WDR90: variants seen among roughly 807,000 people sequenced by gnomAD.
WDR90 encodes WD repeat domain 90, also known as WD repeat-containing protein 90.
Under a neutral mutation model 195.2 loss-of-function variants are expected in WDR90, and 238 were observed. The observed-to-expected ratio is 1.22, with a 90% CI of 1.10 to 1.36. The LOEUF is 1.36. Ranked by LOEUF, WDR90 falls within the 40% of genes most tolerant of loss-of-function variation. WDR90 has a pLI of 0.00. For synonymous variants in WDR90, 1,265 were observed against 1,052.4 expected (o/e 1.20, Z -3.91); for missense variants, 2,734 against 2,439.5 (o/e 1.12, Z -2.54).
In WDR90 at chr16:653,533, C is replaced by T; in HGVS notation, c.1242C>T (p.Ala414=). 1 of 1,613,346 alleles carries T rather than the reference C, an allele frequency of 6.2e-7. No individual in the cohort carries two copies. Among genetic ancestry groups the T allele is most frequent in the Non-Finnish European group, 8.5e-7 (1 of 1,179,850 alleles). Reference sequence around the variant, plus strand: ...ACCCTTCTGCCTCCTAGGTCTCCGCCCTGGCGCTGGATGGCAGCAGCTCAC... The same window carrying T: ...ACCCTTCTGCCTCCTAGGTCTCCGCTCTGGCGCTGGATGGCAGCAGCTCAC... ...FFLGHTDKVS[A]LALDGSSSLL... The change falls in exon 12 of 41, where the codon GCC becomes GCT. Residue 414 remains alanine (A), a synonymous_variant. Coordinates refer to ENST00000293879, the MANE Select transcript of WDR90 (RefSeq NM_145294.5).
chr16:657,850 C>T lies in WDR90; in HGVS notation c.2562C>T (p.Ser854=), dbSNP rs771553385. ...DGRLLAFVGP[S]RCTVTVMGSA... is the part of the protein sequence containing the mutation. The stretch of plus-strand genomic sequence containing the variant: ...GCCTGCTGGCCTTTGTGGGACCCTC[C>T]AGGTGCACAGTGACAGTCATGGGCT... The change falls in exon 21 of 41, where the codon TCC becomes TCT. Residue 854 remains serine, a synonymous_variant. Coordinates refer to ENST00000293879, the MANE Select transcript of WDR90 (RefSeq NM_145294.5). The T allele has an allele frequency of 1.0e-5, 16 of 1,589,428 alleles. No homozygotes were observed. The highest frequency in any genetic ancestry group is 1.3e-5 in the African/African-American group (1 of 74,648).
At chr16:665,560 G>T in intron 34 of WDR90, 119 bp from the exon 35 acceptor site, 6 of 1,530,736 alleles carry the variant, frequency 3.9e-6, no homozygotes, top group Non-Finnish European at 4.5e-6. Flanking sequence ...GTTGGCCGGG[G>T]CCAGAGGCAC....
chr16:651,099 G>A lies in WDR90; in HGVS notation c.664G>A (p.Val222Ile), dbSNP rs199986415. The change falls in exon 6 of 41, where the codon GTC (valine) becomes ATC (isoleucine). Residue 222 changes from valine (V) to isoleucine (I), a missense_variant. By Grantham distance (29) the Val-to-Ile change is conservative (BLOSUM62 3). Coordinates refer to ENST00000293879, the MANE Select transcript of WDR90 (RefSeq NM_145294.5). Reference protein sequence around the residue: ...GESWHDRYIHVRFPSESLKVP... With the variant: ...GESWHDRYIHIRFPSESLKVP... The stretch of plus-strand genomic sequence containing the variant: ...GAGCTGGCATGACCGCTACATCCAC[G>A]TCCGGTGAGTGGTTCTGCTTCTTTC... 7 of 1,613,502 alleles carry A rather than the reference G, an allele frequency of 4.3e-6. No individual in the cohort carries two copies. Among genetic ancestry groups the A allele is most frequent in the African/African-American group, 2.7e-5 (2 of 75,030 alleles).
chr16:657,385 T>G, intron 20 of WDR90, 164 bp downstream of exon 20: 1 of 1,170,472 alleles, frequency 8.5e-7, no homozygotes, highest in Non-Finnish European at 1.2e-6. Context: ...CTGAGGAGAC[T>G]GTGGTTTAGC....
chr16:659,521 TG>T (rs1250148684), intron 26 of WDR90, 145 bp downstream of exon 26: 2 of 1,101,726 alleles, frequency 1.8e-6, no homozygotes, highest in African/African-American at 3.2e-5. Flanking sequence ...GGGGTCGGGG[TG>T]GGGGCAGCTT....
In WDR90 at chr16:651,708, C is replaced by T. The variant is rs1354995580; in HGVS notation, c.801C>T (p.Phe267=). 1.2e-6 allele frequency: 2 copies of T among 1,613,014 alleles called. No individual in the cohort carries two copies. The highest frequency in any genetic ancestry group is 2.7e-5 in the African/African-American group (2 of 74,924). ...CPVASSKPVR[F]SVSPVVQTPS... ...TGGCCTCCAGCAAACCTGTGCGGTT[C>T]AGTGTGTCTCCAGTGGTCCAGACGC... The change falls in exon 8 of 41, where the codon TTC becomes TTT. Residue 267 remains phenylalanine, a synonymous_variant. Transcript: ENST00000293879.
rs543402285 is a variant in WDR90, at chr16:665,717, C to T, written c.4350C>T (p.Cys1450=). The part of the protein sequence containing the change: ...EVVFSPGESH[C]ATCSEDGSVR... ...TCTTCAGCCCCGGGGAGTCCCACTG[C>T]GCCACATGCAGTGAGGATGGGAGTG... is the stretch of plus-strand genomic sequence containing the variant. The change falls in exon 35 of 41, where the codon TGC becomes TGT. Residue 1450 remains cysteine (C), a synonymous_variant. Coordinates refer to ENST00000293879, the MANE Select transcript of WDR90 (RefSeq NM_145294.5). 3.6e-5 allele frequency: 58 copies of T among 1,612,570 alleles called. No individual in the cohort carries two copies. The highest frequency in any genetic ancestry group is 3.5e-4 in the African/African-American group (26 of 75,068).
In WDR90 at chr16:667,527, G is replaced by A. The variant is rs749128338; in HGVS notation, c.5185G>A (p.Ala1729Thr). ...GCACCTGTGCAGGTTTACACCGTCC[G>A]CCAGGCTGCTCTTCACGGCCGCCCG... The part of the protein sequence containing the change: ...AVHLCRFTPS[A>T]RLLFTAARNE... The change falls in exon 41 of 41, where the codon GCC becomes ACC. Residue 1729 changes from alanine (A) to threonine (T), a missense_variant. Ala to Thr is a moderately conservative substitution (Grantham distance 58). Coordinates refer to ENST00000293879, the MANE Select transcript of WDR90 (RefSeq NM_145294.5). 2.0e-5 allele frequency: 33 copies of A among 1,612,118 alleles called. No homozygotes were observed. Among genetic ancestry groups the A allele is most frequent in the African/African-American group, 6.7e-5 (5 of 74,938 alleles).
chr16:661,187 C>T lies in WDR90; in HGVS notation c.3513+15C>T, dbSNP rs775226167. On this transcript the variant is annotated intron_variant, in intron 29 of 40. Transcript: ENST00000293879. ...ACAGTGCCCAGGTGCCCGCCTGCATCGCCCTCCTCCTCTCCCAGGGCCACC... is the reference window on the plus strand; with the variant it reads ...ACAGTGCCCAGGTGCCCGCCTGCATTGCCCTCCTCCTCTCCCAGGGCCACC... 2.7e-5 allele frequency: 41 copies of T among 1,528,888 alleles called. No homozygotes were observed. Among genetic ancestry groups the T allele is most frequent in the South Asian group, 1.9e-4 (16 of 82,804 alleles). The allele number at this position is 1,528,888 out of a possible 1,614,324, so 94.7% of individuals were successfully genotyped here. A position where few individuals can be genotyped will look rare whatever the true frequency, so the allele number is the denominator to read the frequency against.
intron 34 of WDR90, chr16:663,062 C>T (rs1226965789): frequency 1.4e-6 from 1 of 719,762 alleles, no homozygotes; most frequent in African/African-American, 1.7e-5. Context: ...GCAGGCCTTG[C>T]AGGTCTTCTC....
Position 655,797 on chromosome 16 carries a change from T to C in WDR90, c.1874T>C (p.Leu625Pro). Residue 625 changes from leucine (L) to proline (P), a missense_variant, in exon 17 of 41, where the codon CTC (leucine) becomes CCC (proline). Leu to Pro is a moderately conservative substitution (Grantham distance 98). Coordinates refer to ENST00000293879, the MANE Select transcript of WDR90 (RefSeq NM_145294.5). ...GGCCCCGGCATTGCCATCAGCAGCC[T>C]CAGCGTCTCCCCGGCCATGTGTGCT... Reference protein sequence around the residue: ...SSGPGIAISSLSVSPAMCAVG... With the variant: ...SSGPGIAISSPSVSPAMCAVG... 1 of 1,590,508 alleles carries C rather than the reference T, an allele frequency of 6.3e-7. No homozygotes were observed. Among genetic ancestry groups the C allele is most frequent in the Non-Finnish European group, 8.5e-7 (1 of 1,169,790 alleles).
chr16:667,056 G>T, intron 40 of WDR90, 67 bp downstream of exon 40: 4 of 1,491,460 alleles, frequency 2.7e-6, no homozygotes, highest in Non-Finnish European at 3.7e-6. Flanking sequence ...CTGGTGCCCT[G>T]TTCCAAGACA....
At position 660,659 on chromosome 16, in the gene WDR90, TGTC is replaced by T. The variant is rs1431475238; in HGVS notation, c.3341_3343del (p.Val1114del). On this transcript the variant is annotated inframe_deletion, in exon 28 of 41. Transcript: ENST00000293879. ...GCGGTGGGTGGCTGCGTCTGAAGGC[TGTC>T]GTCGGTTACAGCGGGAATGGGCGGG... The T allele has an allele frequency of 5.7e-6, 9 of 1,582,468 alleles. No homozygotes were observed. The highest frequency in any genetic ancestry group is 6.9e-6 in the Non-Finnish European group (8 of 1,165,366).
In WDR90 at chr16:650,712, G is replaced by T. The variant is rs775517965; in HGVS notation, c.559+3G>T. ...CAGTGACCTGTGCTTTGAGCCTGGT[G>T]AGGGCCGCACCTGCACTCCCCACTC... is the stretch of plus-strand genomic sequence containing the variant. On this transcript the variant is annotated splice_donor_region_variant and intron_variant, in intron 5 of 40. Coordinates refer to ENST00000293879, the MANE Select transcript of WDR90 (RefSeq NM_145294.5). The T allele has an allele frequency of 2.7e-5, 44 of 1,604,958 alleles. No individual in the cohort carries two copies. The highest frequency in any genetic ancestry group is 3.6e-5 in the Non-Finnish European group (42 of 1,173,658).
At chr16:655,964 C>A (rs771202186) in intron 17 of WDR90, 75 bp downstream of exon 17, 2 of 1,475,886 alleles carry the variant, frequency 1.4e-6, no homozygotes, top group African/African-American at 2.8e-5. Flanking sequence ...GCCCAGTCCC[C>A]GGGGCTCTGC....
Position 650,046 on chromosome 16 carries a change from A to T in WDR90, c.158A>T (p.Asn53Ile). 6.2e-7 allele frequency: 1 copy of T among 1,612,904 alleles called. No individual in the cohort carries two copies. The highest frequency in any genetic ancestry group is 8.5e-7 in the Non-Finnish European group (1 of 1,179,984). ...ATTCGGGGCTCAGTCTCTGCCGCCA[A>T]CTACATCCAGCTCCCTAAGAGCAGC... ...YRIRGSVSAA[N>I]YIQLPKSSTQ... is the part of the protein sequence containing the mutation. Residue 53 changes from asparagine (N) to isoleucine (I), a missense_variant, in exon 3 of 41, where the codon AAC (asparagine) becomes ATC (isoleucine). Transcript: ENST00000293879.
chr16:664,477 C>T (rs762334233), intron 34 of WDR90, among the ~76,000 whole-genome samples: 2 of 152,148 alleles, frequency 1.3e-5, no homozygotes, highest in Non-Finnish European at 2.9e-5. Flanking sequence ...GTCCTGAGAC[C>T]GTGACCTGAG....
chr16:653,734 C>A lies in WDR90; in HGVS notation c.1380-12C>A. ...GCCCAGGCGACAATGACCACCTCCT[C>A]CCTGTTCACAGCTTCTCTGACAGCG... On this transcript the variant is annotated splice_polypyrimidine_tract_variant and intron_variant, in intron 12 of 40. Transcript: ENST00000293879. The A allele has an allele frequency of 6.2e-7, 1 of 1,613,328 alleles. No homozygotes were observed. The highest frequency in any genetic ancestry group is 1.1e-5 in the South Asian group (1 of 91,090).
chr16:648,997 C>T (rs1023594823), upstream of WDR90: 5 of 179,044 alleles, frequency 2.8e-5, no homozygotes, highest in Non-Finnish European at 5.8e-5. Context: ...GCAGGGGCCT[C>T]TGGACGGCGA....
Sources: allele counts gnomAD v4.1 joint callset (sites outside exome capture counted in the v4.1 genomes callset), GRCh38; gene constraint gnomAD v4.1.1; transcripts MANE v1.5; gene names NCBI Gene and HGNC (gene_info 2026-07-23, HGNC 2026-07-21).